The following RUBCN variants were observed in gnomAD, a reference collection of about 807,000 sequenced individuals.
The protein encoded by RUBCN is rubicon autophagy regulator.
A neutral mutation model predicts 113.2 loss-of-function variants in RUBCN; 74 were observed. The observed-to-expected ratio is 0.65, with a 90% confidence interval of 0.54 to 0.79. RUBCN has a LOEUF of 0.79. RUBCN is among the 30% of genes least tolerant of loss of function. The pLI is 0.00. For missense variants in RUBCN, 1,109 were observed against 1,251.7 expected (o/e 0.89, Z 1.72); for synonymous variants, 480 against 490.0 (o/e 0.98, Z 0.27).
chr3:197,707,899 G>T (rs1724498269), intron 2 of RUBCN, among the ~76,000 whole-genome samples: 1 of 152,006 alleles, frequency 6.6e-6, no homozygotes, highest in Non-Finnish European at 1.5e-5. Context: ...GGGAAGTGAA[G>T]GTTGCAGTGA....
intron 2 of RUBCN, among the ~76,000 whole-genome samples, chr3:197,706,991 C>A (rs1477125207): frequency 7.0e-6 from 1 of 142,892 alleles, no homozygotes; most frequent in Non-Finnish European, 1.5e-5. Flanking sequence ...CAGGGCTGGG[C>A]AGCCGTGGGA....
At chr3:197,736,937 G>T (rs899039870), upstream of RUBCN, 1 of 1,340,326 alleles carries the variant, frequency 7.5e-7, no homozygotes, top group Middle Eastern at 2.8e-4. Context: ...TACAGCCCCC[G>T]GCGAGCACTC....
chr3:197,697,019 C>T lies in RUBCN; in HGVS notation c.1292G>A (p.Gly431Asp). The change falls in exon 8 of 20, where the codon GGC becomes GAC. Residue 431 changes from glycine (G) to aspartate (D), a missense_variant. Gly to Asp is a moderately conservative substitution (Grantham distance 94). Coordinates refer to ENST00000296343, the MANE Select transcript of RUBCN (RefSeq NM_014687.4). ...ESCNDKAKLR[G>D]PLPYSGQSSE... Reference sequence around the variant, plus strand: ...GCTTTGACCAGAGTAGGGCAAAGGGCCTCTCAACTTCGCCTTATCATTGCA... The same window carrying T: ...GCTTTGACCAGAGTAGGGCAAAGGGTCTCTCAACTTCGCCTTATCATTGCA... 6.2e-7 allele frequency: 1 copy of T among 1,606,378 alleles called. No homozygotes were observed. The highest frequency in any genetic ancestry group is 8.5e-7 in the Non-Finnish European group (1 of 1,173,066).
At chr3:197,678,113 T>C (rs1398533297) in intron 16 of RUBCN, among the ~76,000 whole-genome samples, 1 of 137,884 alleles carries the variant, frequency 7.3e-6, no homozygotes, top group African/African-American at 3.3e-5. Flanking sequence ...CTTCAGACTG[T>C]CCTACGCTCT....
At chr3:197,686,316 C>T (rs1453088583) in intron 11 of RUBCN, among the ~76,000 whole-genome samples, 1 of 151,942 alleles carries the variant, frequency 6.6e-6, no homozygotes, top group African/African-American at 2.4e-5. Context: ...CACACTGTAA[C>T]GTGTTTCTTC....
chr3:197,722,852 G>A (rs1726320630), intron 1 of RUBCN, among the ~76,000 whole-genome samples: 1 of 152,080 alleles, frequency 6.6e-6, no homozygotes, highest in Non-Finnish European at 1.5e-5. Context: ...GTCCTCACAT[G>A]TGAAGTGAGA....
intron 2 of RUBCN, among the ~76,000 whole-genome samples, chr3:197,710,722 A>G (rs1352845261): frequency 6.6e-6 from 1 of 152,246 alleles, no homozygotes; most frequent in Non-Finnish European, 1.5e-5. Flanking sequence ...GGAAAAGACT[A>G]AATCTACTGA....
At chr3:197,748,765 A>T (rs1224098768) in intron 1 of RUBCN, among the ~76,000 whole-genome samples, 2 of 152,268 alleles carry the variant, frequency 1.3e-5, no homozygotes, top group Non-Finnish European at 2.9e-5. Context: ...TAAGTGTGAC[A>T]TGCATAAGAA....
chr3:197,681,139 T>C lies in RUBCN; in HGVS notation c.2420A>G (p.Asn807Ser), dbSNP rs757353598. 15 of 1,611,714 alleles carry C rather than the reference T, an allele frequency of 9.3e-6. No homozygotes were observed. The highest frequency in any genetic ancestry group is 8.8e-5 in the South Asian group (8 of 91,004). The change falls in exon 16 of 20, where the codon AAT becomes AGT. Residue 807 changes from asparagine (N) to serine (S), a missense_variant. Coordinates refer to ENST00000296343, the MANE Select transcript of RUBCN (RefSeq NM_014687.4). This position sits in a 1 kb window ranked among gnomAD's most constrained non-coding sequence, Gnocchi z 5.5. ...SALYRKVKLL[N>S]QVRLLRVQLC... ...TTTCCAAGGTCTTACCCGGACTTGA[T>C]TGAGCAGCTTGACCTTCCTATAGAG...
chr3:197,692,902 A>T (rs1722584106), intron 11 of RUBCN, among the ~76,000 whole-genome samples: 1 of 152,254 alleles, frequency 6.6e-6, no homozygotes, highest in South Asian at 2.1e-4. Context: ...CTGTCATCAC[A>T]TTATGTTATA....
chr3:197,732,690 AG>A (rs1727658091), intron 1 of RUBCN, among the ~76,000 whole-genome samples: 2 of 152,182 alleles, frequency 1.3e-5, no homozygotes, highest in Admixed American at 1.3e-4. Flanking sequence ...ATCATCCCTA[AG>A]CCCCAGAGCA....
chr3:197,705,693 T>C (rs1420715678), intron 2 of RUBCN, among the ~76,000 whole-genome samples: 4 of 151,984 alleles, frequency 2.6e-5, no homozygotes, highest in Non-Finnish European at 5.9e-5. Context: ...AGGTAACATA[T>C]GCATATGACA....
Position 197,682,885 on chromosome 3 carries a change from G to A in RUBCN, c.1981-270C>T, listed in dbSNP as rs189702473. ...AAGGTACTACAAGTGAGGGCCGTGG[G>A]TTCCAAGAAGCAAACAGAAACAGCC... On this transcript the variant is annotated intron_variant, in intron 13 of 19. Coordinates refer to ENST00000296343, the MANE Select transcript of RUBCN (RefSeq NM_014687.4). Among the ~76,000 whole-genome samples, 6 of 152,322 alleles carry A rather than the reference G, an allele frequency of 3.9e-5. No individual in the cohort carries two copies. The East Asian group carries it at 1.2e-3, about 29-fold the overall frequency.
rs912505965 is a variant in RUBCN, at chr3:197,681,669, T to G, written c.2191+166A>C. ...CTGGCCATGTGCTCCCAGAAATCAT[T>G]TCCCTCCGATTGCCAGCACTCTTGC... On this transcript the variant is annotated intron_variant, in intron 15 of 19. Transcript: ENST00000296343. The surrounding 1 kb of genome is among the most constrained non-coding windows in gnomAD (Gnocchi z 5.5). Among the ~76,000 whole-genome samples, 2 of 152,166 alleles carry G rather than the reference T, an allele frequency of 1.3e-5. No homozygotes were observed. The highest frequency in any genetic ancestry group is 4.8e-5 in the African/African-American group (2 of 41,426).
chr3:197,716,422 G>A (rs889330834), intron 2 of RUBCN, among the ~76,000 whole-genome samples: 7 of 152,202 alleles, frequency 4.6e-5, no homozygotes, highest in Admixed American at 2.6e-4. Context: ...ACTGTGCCTG[G>A]CCACCTTCTC....
intron 1 of RUBCN, among the ~76,000 whole-genome samples, chr3:197,744,674 G>A (rs747943890): frequency 5.9e-5 from 9 of 151,982 alleles, no homozygotes; most frequent in Non-Finnish European, 1.0e-4. Context: ...AAAAAGAAAA[G>A]GCATACAAAT....
intron 17 of RUBCN, among the ~76,000 whole-genome samples, 166 bp from the exon 18 acceptor site, chr3:197,677,204 A>G (rs900056786): frequency 2.6e-5 from 4 of 152,230 alleles, no homozygotes; most frequent in African/African-American, 7.2e-5. Context: ...AGGTGTCTGG[A>G]TGGCAGGAGT....
chr3:197,700,249 A>G (rs946504859), intron 7 of RUBCN, among the ~76,000 whole-genome samples: 17 of 152,172 alleles, frequency 1.1e-4, no homozygotes, highest in Middle Eastern at 3.2e-3. Flanking sequence ...GCAAACTTCT[A>G]AGACGTCACA....
rs186948926 is a variant in RUBCN, at chr3:197,714,008, A to G, written c.219+3969T>C. ...GGAGAATGGCGTAAACCCGGGAGGCAGAGCTTGCAGTGAGCTGAGATCACG... is the reference window on the plus strand; with the variant it reads ...GGAGAATGGCGTAAACCCGGGAGGCGGAGCTTGCAGTGAGCTGAGATCACG... On this transcript the variant is annotated intron_variant, in intron 2 of 19. Coordinates refer to ENST00000296343, the MANE Select transcript of RUBCN (RefSeq NM_014687.4). Among the ~76,000 whole-genome samples, 40 of 152,122 alleles carry G rather than the reference A, an allele frequency of 2.6e-4. No homozygotes were observed. In the East Asian group the frequency reaches 5.8e-3, roughly 22 times the overall value.
Sources: gnomAD v4.1 joint callset for allele counts (sites outside exome capture counted in the v4.1 genomes callset) on GRCh38, gnomAD v4.1.1 for gene constraint, Gnocchi (gnomAD v3.1) non-coding constraint, MANE v1.5 for transcripts, NCBI Gene and HGNC (gene_info 2026-07-23, HGNC 2026-07-21) for gene names.